GSDMC: variants seen among roughly 807,000 people sequenced by gnomAD.
GSDMC encodes gasdermin-C.
A neutral mutation model predicts 58.0 loss-of-function variants in GSDMC; 59 were observed. That is an observed-to-expected ratio of 1.02 (90% confidence interval 0.82 to 1.26). The LOEUF (loss-of-function observed/expected upper bound fraction) is 1.26. Ranked by LOEUF, GSDMC falls within the 50% of genes most tolerant of loss-of-function variation. The pLI, the probability that GSDMC is intolerant of heterozygous loss-of-function variation, is 0.00. For missense variants in GSDMC, 659 were observed against 598.5 expected, an observed-to-expected ratio of 1.10 and a Z score of -1.06; for synonymous variants, 241 against 220.2, an observed-to-expected ratio of 1.09 and a Z score of -0.83.
chr8:129,732,569 T>C, the GSDMC span, among the ~76,000 whole-genome samples: 1 of 152,192 alleles, frequency 6.6e-6, no homozygotes, highest in East Asian at 1.9e-4. Context: ...AGCAATGGTC[T>C]GTAATCAAAA....
chr8:129,784,461 T>C (rs1194814883), intron 1 of GSDMC, among the ~76,000 whole-genome samples: 1 of 151,946 alleles, frequency 6.6e-6, no homozygotes, highest in African/African-American at 2.4e-5. Context: ...CTCAGAGGAA[T>C]ACATACAAAT....
At chr8:129,735,612 A>G in the GSDMC span, among the ~76,000 whole-genome samples, 1 of 152,194 alleles carries the variant, frequency 6.6e-6, no homozygotes, top group African/African-American at 2.4e-5. Context: ...AACCAATGAG[A>G]AAAAAAACAC....
chr8:129,765,750 T>G lies in GSDMC; in HGVS notation c.448A>C (p.Arg150=). The change falls in exon 4 of 14, where the codon AGG becomes CGG. Residue 150 remains arginine (R), a synonymous_variant. Coordinates refer to ENST00000276708, the MANE Select transcript of GSDMC (RefSeq NM_031415.3). ...PEPSFLKECR[R]RGDNLYVVTE... ...ACCACGTACAGGTTGTCCCCTCTCCTCCGGCACTCCTTCAGAAATGATGGC... is the reference window on the plus strand; with the variant it reads ...ACCACGTACAGGTTGTCCCCTCTCCGCCGGCACTCCTTCAGAAATGATGGC... 6.2e-7 allele frequency: 1 copy of G among 1,613,868 alleles called. No homozygotes were observed. Among genetic ancestry groups the G allele is most frequent in the Non-Finnish European group, 8.5e-7 (1 of 1,179,762 alleles).
At chr8:129,778,921 A>G (rs964015191) in intron 1 of GSDMC, among the ~76,000 whole-genome samples, 3 of 152,208 alleles carry the variant, frequency 2.0e-5, no homozygotes, top group African/African-American at 7.2e-5. Context: ...ATCATCTCAC[A>G]CAAGTCTGAA....
the GSDMC span, among the ~76,000 whole-genome samples, chr8:129,739,242 T>C: frequency 6.6e-6 from 1 of 152,142 alleles, no homozygotes; most frequent in African/African-American, 2.4e-5. Flanking sequence ...ACAGCAAGTA[T>C]GCCATGTGGC....
intron 1 of GSDMC, among the ~76,000 whole-genome samples, chr8:129,784,153 T>G (rs1032842679): frequency 1.3e-5 from 2 of 152,110 alleles, no homozygotes; most frequent in Non-Finnish European, 2.9e-5. Context: ...AGGAAAACAC[T>G]GGGGAAACTC....
intron 6 of GSDMC, among the ~76,000 whole-genome samples, chr8:129,755,560 G>A (rs1033592049): frequency 6.6e-6 from 1 of 151,996 alleles, no homozygotes; most frequent in South Asian, 2.1e-4. Context: ...GGAAGCACAT[G>A]GAAAAACATA....
intron 6 of GSDMC, among the ~76,000 whole-genome samples, chr8:129,753,986 A>G (rs1445556934): frequency 6.6e-6 from 1 of 152,242 alleles, no homozygotes; most frequent in East Asian, 1.9e-4. Flanking sequence ...GCAGTAGAGC[A>G]GAACATAAGG....
intron 4 of GSDMC, among the ~76,000 whole-genome samples, chr8:129,763,012 A>G (rs148417237): frequency 6.6e-6 from 1 of 151,594 alleles, no homozygotes; most frequent in Non-Finnish European, 1.5e-5. Flanking sequence ...CTTCTCTTTC[A>G]TCATTCCTTA....
At chr8:129,765,832 A>G in intron 3 of GSDMC, 39 bp from the exon 4 acceptor site, 1 of 1,576,524 alleles carries the variant, frequency 6.3e-7, no homozygotes, top group Non-Finnish European at 8.7e-7. Flanking sequence ...TCAGAGTGGG[A>G]AAGTGATGGC....
rs74964536 is a variant in GSDMC, at chr8:129,775,397, G to A, written c.404+705C>T. On this transcript the variant is annotated intron_variant, in intron 3 of 13. Transcript: ENST00000276708. ...AAACAAAATAAAATGGTGGTTAGCAGGGGTTAGGAAGTCAGGGAAATGGGG... is the reference window on the plus strand; with the variant it reads ...AAACAAAATAAAATGGTGGTTAGCAAGGGTTAGGAAGTCAGGGAAATGGGG... Among the ~76,000 whole-genome samples the A allele has an allele frequency of 9.5e-3, 1,444 of 152,278 alleles. 25 individuals carry two copies. The highest frequency in any genetic ancestry group is 0.032 in the African/African-American group (1,312 of 41,552).
the GSDMC span, among the ~76,000 whole-genome samples, chr8:129,742,946 T>G: frequency 6.6e-6 from 1 of 152,224 alleles, no homozygotes; most frequent in Non-Finnish European, 1.5e-5. Context: ...TTTGCTTTGC[T>G]TTTTATCATG....
chr8:129,781,990 C>T (rs1202178265), intron 1 of GSDMC, among the ~76,000 whole-genome samples: 2 of 152,088 alleles, frequency 1.3e-5, no homozygotes, highest in African/African-American at 4.8e-5. Context: ...TCTTAAAACA[C>T]TCAAAAAGTT....
chr8:129,728,028 G>A, the GSDMC span, among the ~76,000 whole-genome samples: 1 of 152,130 alleles, frequency 6.6e-6, no homozygotes, highest in Non-Finnish European at 1.5e-5. Flanking sequence ...AGAAATCCAG[G>A]CATTCAGAGC....
At chr8:129,729,583 A>G in the GSDMC span, among the ~76,000 whole-genome samples, 3 of 152,060 alleles carry the variant, frequency 2.0e-5, no homozygotes, top group Middle Eastern at 3.4e-3. Flanking sequence ...TTCTTGCGAT[A>G]GTTTGCTGAG....
At chr8:129,729,169 A>G in the GSDMC span, 7 of 669,084 alleles carry the variant, frequency 1.0e-5, no homozygotes, top group Non-Finnish European at 1.7e-5. Flanking sequence ...CTTCAGAGAT[A>G]TTTGATATGT....
chr8:129,728,429 G>A, the GSDMC span, among the ~76,000 whole-genome samples: 57 of 152,274 alleles, frequency 3.7e-4, 1 homozygote, highest in Non-Finnish European at 5.0e-4. Flanking sequence ...ACAGAGAATA[G>A]GGGACTGAGG....
intron 1 of GSDMC, among the ~76,000 whole-genome samples, chr8:129,778,641 A>C (rs2034317690): frequency 6.6e-6 from 1 of 152,236 alleles, no homozygotes; most frequent in Non-Finnish European, 1.5e-5. Context: ...GCTTCTGCAC[A>C]GCAAAAGAAG....
the GSDMC span, among the ~76,000 whole-genome samples, chr8:129,721,991 G>C: frequency 2.0e-5 from 3 of 152,122 alleles, no homozygotes; most frequent in Non-Finnish European, 4.4e-5. Context: ...AAGCAGAATT[G>C]AAGAGCTACT....
Sources: allele counts gnomAD v4.1 joint callset (sites outside exome capture counted in the v4.1 genomes callset), GRCh38; gene constraint gnomAD v4.1.1; transcripts MANE v1.5; gene names NCBI Gene and HGNC (gene_info 2026-07-23, HGNC 2026-07-21).